Variants in QTGAL observed in about 807,000 individuals in gnomAD.
QTGAL encodes BGnT-like protein 1.
chr17:82,961,243 G>A, the QTGAL span: 6 of 1,565,642 alleles, frequency 3.8e-6, no homozygotes, highest in African/African-American at 5.4e-5. Flanking sequence ...TGCCCCGGAT[G>A]CACACTACAC....
the QTGAL span, chr17:82,965,809 G>A: frequency 6.9e-7 from 1 of 1,457,850 alleles, no homozygotes; most frequent in East Asian, 2.4e-5. Context: ...ACAACCTGCA[G>A]TTTATTTCCA....
chr17:83,040,286 A>C, the QTGAL span, among the ~76,000 whole-genome samples: 3 of 152,200 alleles, frequency 2.0e-5, no homozygotes, highest in Non-Finnish European at 4.4e-5. Context: ...TGTGACTCCT[A>C]AAATCTGTAG....
the QTGAL span, among the ~76,000 whole-genome samples, chr17:83,037,297 G>A: frequency 3.9e-5 from 6 of 152,190 alleles, no homozygotes; most frequent in East Asian, 9.6e-4. The surrounding 1 kb of genome is among the most constrained non-coding windows in gnomAD (Gnocchi z 5.2). Context: ...GCAAGCTCAC[G>A]GCACCACTGG....
chr17:82,982,247 C>A, the QTGAL span, among the ~76,000 whole-genome samples: 1 of 152,244 alleles, frequency 6.6e-6, no homozygotes, highest in African/African-American at 2.4e-5. Flanking sequence ...GGTGTCAGTT[C>A]ATCTGCGACT....
chr17:83,023,253 A>C, the QTGAL span, among the ~76,000 whole-genome samples: 1 of 96,972 alleles, frequency 1.0e-5, no homozygotes, highest in African/African-American at 4.2e-5. Flanking sequence ...AACTCACGTT[A>C]GCTTAGCACT....
the QTGAL span, among the ~76,000 whole-genome samples, chr17:82,990,881 G>C: frequency 6.6e-6 from 1 of 152,106 alleles, no homozygotes; most frequent in African/African-American, 2.4e-5. Context: ...GCCATATCAG[G>C]GTTCAGAGAA....
chr17:83,014,605 G>A, the QTGAL span: 1 of 1,441,332 alleles, frequency 6.9e-7, no homozygotes, highest in Non-Finnish European at 9.7e-7. Context: ...GCCCAGGCTG[G>A]AGTGCAACGG....
chr17:83,028,527 A>C, the QTGAL span, among the ~76,000 whole-genome samples: 1 of 150,880 alleles, frequency 6.6e-6, no homozygotes, highest in South Asian at 2.1e-4. Flanking sequence ...CATCTCAAAA[A>C]AAAAAAAAAA....
At chr17:82,947,504 T>G in the QTGAL span, 1 of 153,564 alleles carries the variant, frequency 6.5e-6, no homozygotes, top group Non-Finnish European at 1.4e-5. Context: ...TCTTGTCCTG[T>G]GTGCTGGCCT....
the QTGAL span, chr17:82,957,585 AC>A: frequency 4.8e-6 from 7 of 1,461,506 alleles, no homozygotes; most frequent in African/African-American, 1.4e-5. Flanking sequence ...TGCTCAGCTC[AC>A]GTTGCCAGTG....
At chr17:83,009,765 C>T in the QTGAL span, among the ~76,000 whole-genome samples, 1 of 152,058 alleles carries the variant, frequency 6.6e-6, no homozygotes, top group African/African-American at 2.4e-5. Context: ...GGCAAATGAA[C>T]GCAGAGAGCT....
At chr17:83,043,531 G>C in the QTGAL span, among the ~76,000 whole-genome samples, 2,485 of 152,110 alleles carry the variant, frequency 0.016, 132 homozygotes, top group Admixed American at 0.12. Context: ...TCAGTGCATA[G>C]AAAGGAATTT....
chr17:82,961,280 C>T, the QTGAL span: 62 of 1,467,066 alleles, frequency 4.2e-5, no homozygotes, highest in Non-Finnish European at 4.8e-5. Context: ...AACCAGGAAC[C>T]GGTGGAAAAG....
chr17:83,028,865 A>G, the QTGAL span, among the ~76,000 whole-genome samples: 3 of 152,150 alleles, frequency 2.0e-5, no homozygotes, highest in Non-Finnish European at 4.4e-5. Flanking sequence ...GCATCGAAAC[A>G]ATCTCGGTGC....
At chr17:83,038,011 T>A in the QTGAL span, among the ~76,000 whole-genome samples, 2 of 151,702 alleles carry the variant, frequency 1.3e-5, no homozygotes, top group East Asian at 3.9e-4. Context: ...GAGAGAAGAG[T>A]GGGGATTGTA....
chr17:83,005,059 A>G, the QTGAL span: 1 of 1,422,034 alleles, frequency 7.0e-7, no homozygotes, highest in Middle Eastern at 2.4e-4. This position sits in a 1 kb window ranked among gnomAD's most constrained non-coding sequence, Gnocchi z 5.6. Context: ...AATGCATGAG[A>G]TGGCGCCCAG....
chr17:82,946,869 A>G, the QTGAL span: 1 of 1,542,686 alleles, frequency 6.5e-7, no homozygotes, highest in African/African-American at 1.4e-5. Flanking sequence ...TCTTCGGTGA[A>G]AAGACCCACC....
chr17:82,957,287 G>GGGGCCA, the QTGAL span: 1 of 1,614,078 alleles, frequency 6.2e-7, no homozygotes, highest in Non-Finnish European at 8.5e-7. Flanking sequence ...TGGACAGGCC[G>GGGGCCA]GGGCCAGGGC....
At chr17:82,991,325 A>G in the QTGAL span, among the ~76,000 whole-genome samples, 2 of 152,186 alleles carry the variant, frequency 1.3e-5, no homozygotes, top group African/African-American at 4.8e-5. Context: ...ACCCAGTGGG[A>G]GATAACTGAA....
Sources: gnomAD v4.1 joint callset for allele counts (sites outside exome capture counted in the v4.1 genomes callset) on GRCh38, gnomAD v4.1.1 for gene constraint, Gnocchi (gnomAD v3.1) non-coding constraint, MANE v1.5 for transcripts, NCBI Gene and HGNC (gene_info 2026-07-23, HGNC 2026-07-21) for gene names.